The following ZSWIM4 variants were observed in gnomAD, a reference collection of about 807,000 sequenced individuals.
ZSWIM4 encodes zinc finger SWIM domain-containing protein 4.
ZSWIM4 carries 62 observed loss-of-function variants against 102.5 expected under a neutral mutation model. The ratio of observed to expected loss-of-function variants is 0.60; its 90% CI spans 0.49 to 0.75. The LOEUF (loss-of-function observed/expected upper bound fraction) is 0.75, where lower values mean the gene tolerates loss of function less well. Ranked by LOEUF, ZSWIM4 falls within the 30% of genes least tolerant of loss-of-function variation. The pLI, the probability that ZSWIM4 is intolerant of heterozygous loss-of-function variation, is 0.00. For missense variants in ZSWIM4, 1,280 were observed against 1,529.6 expected (o/e 0.84, Z 2.72); for synonymous variants, 652 against 674.5 (o/e 0.97, Z 0.52).
chr19:13,800,064 G>GTTTTTT, intron 2 of ZSWIM4, 143 bp downstream of exon 2: 2 of 417,188 alleles, frequency 4.8e-6, no homozygotes, highest in Non-Finnish European at 3.7e-6. Context: ...GATTGTACAA[G>GTTTTTT]ATTTTTTTTT....
chr19:13,829,881 G>T (rs1975710488), intron 13 of ZSWIM4, among the ~76,000 whole-genome samples: 1 of 152,126 alleles, frequency 6.6e-6, no homozygotes, highest in Non-Finnish European at 1.5e-5. Context: ...TCCGATTCCA[G>T]CCTGTGCTCA....
intron 2 of ZSWIM4, among the ~76,000 whole-genome samples, chr19:13,802,107 C>CT (rs1437813490): frequency 1.3e-5 from 2 of 151,442 alleles, no homozygotes; most frequent in Admixed American, 6.6e-5. Context: ...TCCCAAGTAG[C>CT]TGGGACTACA....
chr19:13,817,259 A>C lies in ZSWIM4; in HGVS notation c.1575A>C (p.Gly525=), dbSNP rs1975315679. 6.2e-7 allele frequency: 1 copy of C among 1,613,788 alleles called. No homozygotes were observed. The highest frequency in any genetic ancestry group is 1.1e-5 in the South Asian group (1 of 91,084). Residue 525 remains glycine (G), a synonymous_variant, in exon 8 of 14, where the codon GGA becomes GGC. Coordinates refer to ENST00000590508, the MANE Select transcript of ZSWIM4 (RefSeq NM_001367834.3). ...KGSTCITNTE[G]WVGHPLDPIG... ...CCACCTGCATCACCAACACCGAAGG[A>C]TGGGTGGGGCACCCCCTGGACCCCA...
At chr19:13,811,070 C>T (rs563018956) in intron 5 of ZSWIM4, among the ~76,000 whole-genome samples, 1 of 151,554 alleles carries the variant, frequency 6.6e-6, no homozygotes, top group Non-Finnish European at 1.5e-5. Context: ...CCTGCCACCA[C>T]GCCCGGCTAA....
chr19:13,808,871 G>A lies in ZSWIM4; in HGVS notation c.748G>A (p.Asp250Asn). 6.2e-7 allele frequency: 1 copy of A among 1,611,784 alleles called. No individual in the cohort carries two copies. The highest frequency in any genetic ancestry group is 8.5e-7 in the Non-Finnish European group (1 of 1,179,140). The change falls in exon 4 of 14, where the codon GAC becomes AAC. Residue 250 changes from aspartate to asparagine, a missense_variant. Transcript: ENST00000590508. ...CCCCACCGCCGGCGCAGGAATCGAG[G>A]ACGCCAACTGCTGGCACCTGGACGA... Reference protein sequence around the residue: ...PDPTAGAGIEDANCWHLDEEQ... With the variant: ...PDPTAGAGIENANCWHLDEEQ...
chr19:13,809,513 CA>C lies in ZSWIM4; in HGVS notation c.1012+294del, dbSNP rs2145293958. Among the ~76,000 whole-genome samples, 1 of 152,302 alleles carries C rather than the reference CA, an allele frequency of 6.6e-6. No individual in the cohort carries two copies. The highest frequency in any genetic ancestry group is 1.9e-4 in the East Asian group (1 of 5,188). On this transcript the variant is annotated intron_variant, in intron 5 of 13. Transcript: ENST00000590508. The surrounding 1 kb of genome is among the most constrained non-coding windows in gnomAD (Gnocchi z 4.2). ...TTTTCTTTGTTTTGAGACAGGGTAT[CA>C]CTCTGTTGCCCAGGCTGGCGTGCAG...
intron 1 of ZSWIM4, among the ~76,000 whole-genome samples, chr19:13,798,775 TTC>T (rs1356383449): frequency 1.3e-5 from 2 of 152,128 alleles, no homozygotes; most frequent in African/African-American, 2.4e-5. Context: ...AAGCCTCGGT[TTC>T]TCTGTTTTTT....
At position 13,804,813 on chromosome 19, in the gene ZSWIM4, T is replaced by C. The variant is rs541390867; in HGVS notation, c.377T>C (p.Ile126Thr). 482 of 1,593,186 alleles carry C rather than the reference T, an allele frequency of 3.0e-4. 1 individual carries two copies. Among genetic ancestry groups the C allele is most frequent in the Non-Finnish European group, 4.0e-4 (465 of 1,167,146 alleles). ...LQVGFHLSGNIREPGSPGEPE... is the reference protein window; with the variant it reads ...LQVGFHLSGNTREPGSPGEPE... ...CTAGGATTCCACCTGAGCGGAAACA[T>C]CCGCGAGCCAGGGAGTCCTGGAGAG... The change falls in exon 3 of 14, where the codon ATC becomes ACC. Residue 126 changes from isoleucine (I) to threonine (T), a missense_variant. By Grantham distance (89) the Ile-to-Thr change is moderately conservative. Coordinates refer to ENST00000590508, the MANE Select transcript of ZSWIM4 (RefSeq NM_001367834.3).
In ZSWIM4 at chr19:13,831,289, C is replaced by G. The variant is rs1975761789; in HGVS notation, c.*239C>G. Reference sequence around the variant, plus strand: ...CCCAGAAGCCTGGAAGGGGTGTGTGCTTGGGCTGCTGGTATGACCCCACTT... The same window carrying G: ...CCCAGAAGCCTGGAAGGGGTGTGTGGTTGGGCTGCTGGTATGACCCCACTT... On this transcript the variant is annotated 3_prime_UTR_variant, in exon 14 of 14. Coordinates refer to ENST00000590508, the MANE Select transcript of ZSWIM4 (RefSeq NM_001367834.3). 1.9e-6 allele frequency: 1 copy of G among 532,450 alleles called. No individual in the cohort carries two copies. The highest frequency in any genetic ancestry group is 2.9e-5 in the South Asian group (1 of 34,776). The allele number at this position is 532,450 out of a possible 1,614,324, so 33.0% of individuals were successfully genotyped here.
At chr19:13,798,788 T>A (rs1487531610) in intron 1 of ZSWIM4, among the ~76,000 whole-genome samples, 2 of 152,194 alleles carry the variant, frequency 1.3e-5, no homozygotes, top group African/African-American at 2.4e-5. Context: ...TCTGTTTTTT[T>A]ATTTTTATTT....
intron 5 of ZSWIM4, among the ~76,000 whole-genome samples, chr19:13,810,043 G>A (rs528637423): frequency 6.7e-6 from 1 of 149,996 alleles, no homozygotes; most frequent in Non-Finnish European, 1.5e-5. Flanking sequence ...CTGGAGTGCT[G>A]GAGTGCAGTG....
intron 13 of ZSWIM4, 56 bp downstream of exon 13, chr19:13,828,782 G>C (rs561737302): frequency 6.6e-7 from 1 of 1,520,442 alleles, no homozygotes; most frequent in South Asian, 1.1e-5. Context: ...TCTGCAGAGC[G>C]CACTGAGAGA....
chr19:13,797,185 G>A (rs1015894593), intron 1 of ZSWIM4, among the ~76,000 whole-genome samples: 1 of 152,336 alleles, frequency 6.6e-6, no homozygotes, highest in East Asian at 1.9e-4. Context: ...TTTGGCAGTT[G>A]TTCTTGTTCC....
In ZSWIM4 at chr19:13,819,423, G is replaced by T. The variant is rs751893324; in HGVS notation, c.1991G>T (p.Arg664Leu). Residue 664 changes from arginine to leucine, a missense_variant, in exon 10 of 14, where the codon CGC becomes CTC. Physicochemically the swap from Arg to Leu is moderately radical, Grantham distance 102 (BLOSUM62 -2). Transcript: ENST00000590508. ...AGCGTGCCCATGCACACCTGTGCCC[G>T]CTACCTGTTCACCGCACTGCTGCCT... Reference protein sequence around the residue: ...RESVPMHTCARYLFTALLPHD... With the variant: ...RESVPMHTCALYLFTALLPHD... 15 of 1,611,302 alleles carry T rather than the reference G, an allele frequency of 9.3e-6. No individual in the cohort carries two copies. Among genetic ancestry groups the T allele is most frequent in the Non-Finnish European group, 1.0e-5 (12 of 1,178,866 alleles).
rs1975418889 is a variant in ZSWIM4 at position 13,819,944 on chromosome 19, C to T, written c.2060+452C>T. ...CTCCCAGGGCCGATCTCAGCTCCGC[C>T]TTCCAGGTTCACACCATTCTCCTGC... On this transcript the variant is annotated intron_variant, in intron 10 of 13. Transcript: ENST00000590508. 2.0e-5 allele frequency among the ~76,000 whole-genome samples: 3 copies of T among 151,944 alleles called. No homozygotes were observed. In the South Asian group the frequency reaches 6.2e-4, roughly 32 times the overall value.
chr19:13,801,819 C>G (rs1482940517), intron 2 of ZSWIM4, among the ~76,000 whole-genome samples: 1 of 151,328 alleles, frequency 6.6e-6, no homozygotes, highest in South Asian at 2.1e-4. Context: ...CTACAGGCAC[C>G]CGCTATCATG....
chr19:13,811,000 G>A (rs1443648584), intron 5 of ZSWIM4, among the ~76,000 whole-genome samples: 7 of 133,878 alleles, frequency 5.2e-5, no homozygotes, highest in Admixed American at 2.5e-4. Flanking sequence ...TGCAAGCTCC[G>A]CCCCCCAGGT....
At chr19:13,810,761 C>A (rs965826951) in intron 5 of ZSWIM4, among the ~76,000 whole-genome samples, 1 of 151,684 alleles carries the variant, frequency 6.6e-6, no homozygotes, top group South Asian at 2.1e-4. Context: ...AGAGGCCCAC[C>A]ACCACGCCCG....
chr19:13,803,628 A>G (rs2145267740), intron 2 of ZSWIM4, among the ~76,000 whole-genome samples: 1 of 151,408 alleles, frequency 6.6e-6, no homozygotes, highest in Admixed American at 6.6e-5. Flanking sequence ...ATATGGTGAA[A>G]CCTGATCTCT....
Sources: gnomAD v4.1 joint callset for allele counts (sites outside exome capture counted in the v4.1 genomes callset) on GRCh38, gnomAD v4.1.1 for gene constraint, Gnocchi (gnomAD v3.1) non-coding constraint, MANE v1.5 for transcripts, NCBI Gene and HGNC (gene_info 2026-07-23, HGNC 2026-07-21) for gene names.